The following SLC67A2 variants were observed in gnomAD, a reference collection of about 807,000 sequenced individuals.
SLC67A2 encodes solute carrier family 67 member A2.
At chr2:102,730,980 A>AT in the SLC67A2 span, 1 of 1,582,024 alleles carries the variant, frequency 6.3e-7, no homozygotes, top group African/African-American at 1.4e-5. Context: ...CAAGTCCCCA[A>AT]TTTTACTACA....
the SLC67A2 span, chr2:102,716,578 AC>A: frequency 1.3e-5 from 2 of 152,230 alleles, no homozygotes; most frequent in Non-Finnish European, 2.9e-5. Flanking sequence ...CAATCTTCAA[AC>A]TAAAACATAC....
the SLC67A2 span, among the ~76,000 whole-genome samples, chr2:102,735,006 C>T: frequency 1.1e-4 from 16 of 152,336 alleles, no homozygotes; most frequent in African/African-American, 3.4e-4. Flanking sequence ...CAGCCCAAGT[C>T]CCTTCTGAGA....
the SLC67A2 span, chr2:102,724,042 A>G: frequency 2.6e-5 from 19 of 719,514 alleles, no homozygotes; most frequent in East Asian, 1.3e-4. Context: ...TATGCTCACC[A>G]CTATACCACC....
chr2:102,736,878 C>T, the SLC67A2 span: 3 of 1,491,878 alleles, frequency 2.0e-6, no homozygotes, highest in Non-Finnish European at 2.7e-6. Context: ...AGCCCCGCCC[C>T]GAGCGGAAGC....
chr2:102,718,545 G>T, the SLC67A2 span: 1 of 1,604,968 alleles, frequency 6.2e-7, no homozygotes, highest in Non-Finnish European at 8.5e-7. Flanking sequence ...CTGACCTCCT[G>T]GGCAACCCCC....
the SLC67A2 span, among the ~76,000 whole-genome samples, chr2:102,734,170 A>C: frequency 6.6e-6 from 1 of 152,226 alleles, no homozygotes; most frequent in Non-Finnish European, 1.5e-5. Flanking sequence ...AAAATTGATG[A>C]ATATGTACAC....
At chr2:102,731,449 A>C in the SLC67A2 span, among the ~76,000 whole-genome samples, 3 of 152,158 alleles carry the variant, frequency 2.0e-5, no homozygotes, top group Non-Finnish European at 4.4e-5. Context: ...AACCCTACTA[A>C]GCCTTAAAAT....
chr2:102,722,309 G>A, the SLC67A2 span, among the ~76,000 whole-genome samples: 2 of 152,178 alleles, frequency 1.3e-5, no homozygotes, highest in Non-Finnish European at 2.9e-5. Flanking sequence ...GAATGAGCCT[G>A]GCATACATAT....
chr2:102,718,298 T>A, the SLC67A2 span: 3 of 1,243,280 alleles, frequency 2.4e-6, no homozygotes, highest in Non-Finnish European at 3.4e-6. Context: ...GCCCAACAGC[T>A]CACACCCACC....
the SLC67A2 span, among the ~76,000 whole-genome samples, chr2:102,729,027 G>C: frequency 6.6e-6 from 1 of 152,076 alleles, no homozygotes; most frequent in South Asian, 2.1e-4. Context: ...AAATCTGACA[G>C]AATATACTTT....
the SLC67A2 span, among the ~76,000 whole-genome samples, chr2:102,721,541 C>G: frequency 1.3e-5 from 2 of 152,144 alleles, no homozygotes; most frequent in Non-Finnish European, 2.9e-5. Context: ...AACTGCCTAG[C>G]ATGAATTCTC....
At chr2:102,725,145 C>T in the SLC67A2 span, among the ~76,000 whole-genome samples, 1 of 152,166 alleles carries the variant, frequency 6.6e-6, no homozygotes, top group Non-Finnish European at 1.5e-5. Context: ...GCGTCCAACT[C>T]AGGCACTTAA....
the SLC67A2 span, chr2:102,736,533 G>A: frequency 6.2e-7 from 1 of 1,603,214 alleles, no homozygotes; most frequent in African/African-American, 1.3e-5. Flanking sequence ...CACTCACCAG[G>A]CGGACTGCGG....
chr2:102,726,431 C>T, the SLC67A2 span, among the ~76,000 whole-genome samples: 8 of 152,144 alleles, frequency 5.3e-5, no homozygotes, highest in Admixed American at 3.3e-4. Flanking sequence ...CTGTCAAGTA[C>T]GACTCCAGGT....
the SLC67A2 span, chr2:102,732,424 A>G: frequency 1.3e-6 from 2 of 1,588,022 alleles, no homozygotes; most frequent in Non-Finnish European, 1.7e-6. Flanking sequence ...AACAAAATAA[A>G]TGCTGATGGA....
chr2:102,730,942 C>A, the SLC67A2 span: 29 of 1,197,274 alleles, frequency 2.4e-5, no homozygotes, highest in East Asian at 6.6e-4. Flanking sequence ...GTGTTCTCAT[C>A]CCAAATCTAT....
chr2:102,727,178 T>A, the SLC67A2 span, among the ~76,000 whole-genome samples: 168 of 152,276 alleles, frequency 1.1e-3, no homozygotes, highest in African/African-American at 3.9e-3. Context: ...CAATGTATTT[T>A]TTTTTTTGTC....
the SLC67A2 span, among the ~76,000 whole-genome samples, chr2:102,724,868 G>A: frequency 6.6e-6 from 1 of 152,200 alleles, no homozygotes; most frequent in Non-Finnish European, 1.5e-5. Context: ...TTTTTGGAAA[G>A]CAAATGTATA....
At chr2:102,736,625 A>C in the SLC67A2 span, 4 of 1,613,590 alleles carry the variant, frequency 2.5e-6, no homozygotes, top group South Asian at 4.4e-5. Flanking sequence ...ACTTGCTCCC[A>C]GCCCCCACGC....
Sources: allele counts gnomAD v4.1 joint callset (sites outside exome capture counted in the v4.1 genomes callset), GRCh38; gene constraint gnomAD v4.1.1; transcripts MANE v1.5; gene names NCBI Gene and HGNC (gene_info 2026-07-23, HGNC 2026-07-21).